NUP214: variants seen among roughly 807,000 people sequenced by gnomAD.
The protein encoded by NUP214 is nuclear pore complex protein Nup214.
In NUP214, 79 loss-of-function variants were observed where a neutral mutation model predicts 196.2. That is an observed-to-expected ratio of 0.40 (90% CI 0.34 to 0.49). The LOEUF is 0.49. NUP214 is among the 20% of genes least tolerant of loss of function. NUP214 has a pLI of 0.58. For synonymous variants in NUP214, 1,020 were observed against 990.5 expected (o/e 1.03, Z -0.56); for missense variants, 2,468 against 2,539.0 (o/e 0.97, Z 0.60).
intron 24 of NUP214, among the ~76,000 whole-genome samples, chr9:131,180,811 C>T (rs1833255513): frequency 6.6e-6 from 1 of 152,178 alleles, no homozygotes; most frequent in Non-Finnish European, 1.5e-5. Flanking sequence ...ATTACACAAA[C>T]ACTTATTTTG....
chr9:131,141,200 A>G (rs1390021790), intron 11 of NUP214, among the ~76,000 whole-genome samples: 1 of 151,632 alleles, frequency 6.6e-6, no homozygotes, highest in African/African-American at 2.4e-5. Context: ...ATATACATAG[A>G]AAAACAACTT....
chr9:131,223,812 G>A (rs1834649116), intron 32 of NUP214, among the ~76,000 whole-genome samples: 2 of 137,766 alleles, frequency 1.5e-5, no homozygotes, highest in Non-Finnish European at 3.1e-5. Context: ...TCGGCTCACT[G>A]CAAGCTCTGC....
chr9:131,177,133 CAT>C lies in NUP214; in HGVS notation c.3320-1176_3320-1175del, dbSNP rs1833142370. Among the ~76,000 whole-genome samples the C allele has an allele frequency of 3.3e-5, 5 of 151,928 alleles. 1 individual carries two copies. Among genetic ancestry groups the C allele is most frequent in the Middle Eastern group, 3.4e-3 (1 of 292 alleles). Reference sequence around the variant, plus strand: ...GAGTTTTTTTTAAAGACTAAAAAGACATAATAGTTTGATTTAGGAAAAAAGAA... The same window carrying C: ...GAGTTTTTTTTAAAGACTAAAAAGACAATAGTTTGATTTAGGAAAAAAGAA... On this transcript the variant is annotated intron_variant, in intron 23 of 35. Coordinates refer to ENST00000359428, the MANE Select transcript of NUP214 (RefSeq NM_005085.4).
In NUP214 at chr9:131,147,518, A is replaced by G. The variant is rs749193251; in HGVS notation, c.1974A>G (p.Pro658=). 2.5e-6 allele frequency: 4 copies of G among 1,614,166 alleles called. No homozygotes were observed. The highest frequency in any genetic ancestry group is 4.5e-5 in the East Asian group (2 of 44,882). ...SGRSAQGSSS[P]VPSMVQKSPR... is the part of the protein sequence containing the mutation. ...GATCTGCTCAGGGCAGTTCAAGCCC[A>G]GTGCCCTCAATGGTACAGAAATCAC... Residue 658 remains proline (P), a synonymous_variant, in exon 14 of 36, where the codon CCA becomes CCG. Transcript: ENST00000359428.
rs1212048774 is a variant in NUP214, at chr9:131,199,029, G to T, written c.5521+14G>T. ...GCCAAGCTTCAGGTAAGAATTTGTG[G>T]AAGCTTTTTACTTGTTTCCCTCTCT... On this transcript the variant is annotated intron_variant, in intron 29 of 35. Transcript: ENST00000359428. The T allele has an allele frequency of 3.2e-6, 5 of 1,567,438 alleles. No homozygotes were observed. In the Admixed American group the frequency reaches 7.7e-5, roughly 24 times the overall value.
chr9:131,152,589 C>T (rs1832306124), intron 17 of NUP214, among the ~76,000 whole-genome samples: 1 of 151,974 alleles, frequency 6.6e-6, no homozygotes, highest in African/African-American at 2.4e-5. Context: ...TATTTCTAGC[C>T]TTCAAAGCCA....
intron 6 of NUP214, 136 bp downstream of exon 6, chr9:131,132,795 C>CT: frequency 1.3e-6 from 1 of 759,210 alleles, no homozygotes; most frequent in Admixed American, 2.6e-5. Flanking sequence ...TTTCAAACAG[C>CT]TAATTAAGTC....
chr9:131,172,049 A>G (rs1246768589), intron 21 of NUP214, among the ~76,000 whole-genome samples: 1 of 151,898 alleles, frequency 6.6e-6, no homozygotes, highest in South Asian at 2.1e-4. Flanking sequence ...CATGATTTAT[A>G]GTCCTTTGGG....
intron 24 of NUP214, among the ~76,000 whole-genome samples, chr9:131,183,082 T>G (rs1437991429): frequency 6.6e-6 from 1 of 152,222 alleles, no homozygotes; most frequent in Non-Finnish European, 1.5e-5. Context: ...CAGTTGACTA[T>G]CTTTCCTCCC....
chr9:131,148,422 G>A (rs550890775), intron 14 of NUP214, among the ~76,000 whole-genome samples: 10 of 152,108 alleles, frequency 6.6e-5, no homozygotes, highest in Non-Finnish European at 1.5e-4. Flanking sequence ...TGCTATGACC[G>A]TTCCAGTTGA....
intron 10 of NUP214, among the ~76,000 whole-genome samples, chr9:131,139,684 G>A (rs1831850115): frequency 1.3e-5 from 2 of 152,212 alleles, no homozygotes; most frequent in South Asian, 2.1e-4. Flanking sequence ...TTAGAATCTG[G>A]TTGAAATATA....
In NUP214 at chr9:131,146,394, GA is replaced by G; in HGVS notation, c.1945+91del. 7.6e-7 allele frequency: 1 copy of G among 1,311,256 alleles called. No homozygotes were observed. Among genetic ancestry groups the G allele is most frequent in the African/African-American group, 1.5e-5 (1 of 67,976 alleles). The allele number at this position is 1,311,256 out of a possible 1,614,324, so 81.2% of individuals were successfully genotyped here. On this transcript the variant is annotated intron_variant, in intron 13 of 35. Transcript: ENST00000359428. This position sits in a 1 kb window ranked among gnomAD's most constrained non-coding sequence, Gnocchi z 4.6. ...TTAAGAGTCGTAGCTAACATAGTTG[GA>G]CAAGGTTATTTTTTCTTGCTTCCTG...
In NUP214 at chr9:131,147,576, T is replaced by G; in HGVS notation, c.2032T>G (p.Ser678Ala). 1 of 1,611,688 alleles carries G rather than the reference T, an allele frequency of 6.2e-7. No individual in the cohort carries two copies. Among genetic ancestry groups the G allele is most frequent in the Non-Finnish European group, 8.5e-7 (1 of 1,177,804 alleles). Residue 678 changes from serine to alanine, a missense_variant, in exon 14 of 36, where the codon TCT (serine) becomes GCT (alanine). Around this residue, in one of 5 missense-constraint regions of NUP214, gnomAD observed 1,801 missense variants for 1,779.4 expected, o/e 1.01. Coordinates refer to ENST00000359428, the MANE Select transcript of NUP214 (RefSeq NM_005085.4). ...AACCCCTCCAGCGGCAAAGCCAGGC[T>G]CTCCCCAGGTATGTTTAAATTCAGC... The part of the protein sequence containing the change: ...RITPPAAKPG[S>A]PQAKSLQPAV...
rs1564204796 is a variant in NUP214 at position 131,197,301 on chromosome 9, T to TAGGA, written c.3807_3808insAGGA (p.Glu1270ArgfsTer24). On this transcript the variant is annotated frameshift_variant, in exon 29 of 36. Coordinates refer to ENST00000359428, the MANE Select transcript of NUP214 (RefSeq NM_005085.4). LOFTEE classifies it high-confidence loss of function. ...GCAAACCTTCTTATGAGGCCATTCC[T>TAGGA]GAAAGCTCACCTCCCTCAGGAATCA... is the stretch of plus-strand genomic sequence containing the variant. 6.2e-7 allele frequency: 1 copy of TAGGA among 1,614,086 alleles called. No individual in the cohort carries two copies. Among genetic ancestry groups the TAGGA allele is most frequent in the Non-Finnish European group, 8.5e-7 (1 of 1,180,038 alleles).
At chr9:131,180,489 A>C (rs1301434555) in intron 24 of NUP214, among the ~76,000 whole-genome samples, 1 of 152,004 alleles carries the variant, frequency 6.6e-6, no homozygotes, top group African/African-American at 2.4e-5. Flanking sequence ...TAGTTTCCTA[A>C]GTGTATTTTA....
rs775323585 is a variant in NUP214, at chr9:131,222,893, A to T, written c.5865A>T (p.Ala1955=). ...TCAGCTCTGGAGGAGGAAGTGTGGCATCCCAAGGCTTTGGGTTTTCCTCTC... is the reference window on the plus strand; with the variant it reads ...TCAGCTCTGGAGGAGGAAGTGTGGCTTCCCAAGGCTTTGGGTTTTCCTCTC... ...GTFSSGGGSV[A]SQGFGFSSPN... The change falls in exon 32 of 36, where the codon GCA becomes GCT. Residue 1955 remains alanine, a synonymous_variant. Transcript: ENST00000359428. 1.2e-6 allele frequency: 2 copies of T among 1,614,184 alleles called. No homozygotes were observed. Among genetic ancestry groups the T allele is most frequent in the Non-Finnish European group, 1.7e-6 (2 of 1,180,026 alleles).
At chr9:131,150,916 A>G (rs1164461628) in intron 16 of NUP214, 151 bp downstream of exon 16, 1 of 716,988 alleles carries the variant, frequency 1.4e-6, no homozygotes, top group Admixed American at 2.8e-5. Context: ...AGAATCCCTG[A>G]GTTCAAATCC....
chr9:131,179,489 T>C (rs2131009445), intron 24 of NUP214, among the ~76,000 whole-genome samples: 1 of 152,300 alleles, frequency 6.6e-6, no homozygotes, highest in South Asian at 2.1e-4. Context: ...ATTTCCTCAC[T>C]TGGAACATGG....
intron 30 of NUP214, among the ~76,000 whole-genome samples, chr9:131,210,577 A>G (rs958529822): frequency 2.6e-5 from 4 of 151,586 alleles, no homozygotes; most frequent in African/African-American, 4.9e-5. Flanking sequence ...TGGTGAGCCG[A>G]GATCACACCA....
Sources: gnomAD v4.1 joint callset for allele counts (sites outside exome capture counted in the v4.1 genomes callset) on GRCh38, gnomAD v4.1.1 for gene constraint, gnomAD v4.1.1 regional missense constraint, Gnocchi (gnomAD v3.1) non-coding constraint, MANE v1.5 for transcripts, NCBI Gene and HGNC (gene_info 2026-07-23, HGNC 2026-07-21) for gene names.